Variants in RAB4A observed in about 807,000 individuals in gnomAD.
The protein encoded by RAB4A is ras-related protein Rab-4A.
A neutral mutation model predicts 34.5 loss-of-function variants in RAB4A; 20 were observed. That is an observed-to-expected ratio of 0.58 (90% confidence interval 0.41 to 0.84). RAB4A has a LOEUF of 0.84. RAB4A is among the 40% of genes least tolerant of loss of function. RAB4A has a pLI of 0.00. For missense variants in RAB4A, 228 were observed against 274.5 expected, an observed-to-expected ratio of 0.83 and a Z score of 1.20; for synonymous variants, 102 against 100.0, an observed-to-expected ratio of 1.02 and a Z score of -0.12.
chr1:229,299,369 C>T (rs1009548289), intron 6 of RAB4A, among the ~76,000 whole-genome samples: 12 of 152,150 alleles, frequency 7.9e-5, no homozygotes, highest in Admixed American at 3.9e-4. Context: ...TTTCTTTGGT[C>T]CTTCACTAAA....
rs556762113 is a variant in RAB4A, at chr1:229,289,150, G to A, written c.227+307G>A. ...AGTATGTTTCTAGATTCAAATCAAA[G>A]CACAAGCTTGTTTTTCTGTGTTCCT... On this transcript the variant is annotated intron_variant, in intron 3 of 7. Coordinates refer to ENST00000366690, the MANE Select transcript of RAB4A (RefSeq NM_004578.4). 3 of 204,022 alleles carry A rather than the reference G, an allele frequency of 1.5e-5. No homozygotes were observed. In the South Asian group the frequency reaches 3.9e-4, roughly 27 times the overall value. 12.6% of individuals were successfully genotyped at this position (204,022 alleles called of 1,614,324 possible). A position where few individuals can be genotyped will look rare whatever the true frequency, so the allele number is the denominator to read the frequency against.
intron 1 of RAB4A, among the ~76,000 whole-genome samples, chr1:229,283,027 T>A (rs237755): frequency 0.21 from 32,527 of 152,214 alleles, 3,633 homozygotes; most frequent in African/African-American, 0.28. Context: ...TGGATATTTT[T>A]ATATTATGTT....
At position 229,286,471 on chromosome 1, in the gene RAB4A, CT is replaced by C; in HGVS notation, c.32-10del. 1 of 1,504,136 alleles carries C rather than the reference CT, an allele frequency of 6.6e-7. No individual in the cohort carries two copies. 93.2% of individuals were successfully genotyped at this position (1,504,136 alleles called of 1,614,324 possible). A position where few individuals can be genotyped will look rare whatever the true frequency, so the allele number is the denominator to read the frequency against. On this transcript the variant is annotated splice_polypyrimidine_tract_variant and intron_variant, in intron 1 of 7. Transcript: ENST00000366690. The stretch of plus-strand genomic sequence containing the variant: ...TATTTTGAAGTTATTTTCACAGTCT[CT>C]TTTTATCTTTCAGATTTTTTGTTTA...
At chr1:229,297,334 G>T in intron 4 of RAB4A, 148 bp from the exon 5 acceptor site, 1 of 664,842 alleles carries the variant, frequency 1.5e-6, no homozygotes. Context: ...GTATATACTT[G>T]GTGCATTCAC....
intron 1 of RAB4A, among the ~76,000 whole-genome samples, chr1:229,272,123 T>G (rs1428216162): frequency 6.6e-6 from 1 of 152,152 alleles, no homozygotes; most frequent in Non-Finnish European, 1.5e-5. Flanking sequence ...TGTGCTTTTT[T>G]TTTTTTCTCC....
In RAB4A at chr1:229,286,584, A is replaced by T; in HGVS notation, c.112+18A>T. 6.7e-7 allele frequency: 1 copy of T among 1,483,336 alleles called. No homozygotes were observed. Among genetic ancestry groups the T allele is most frequent in the South Asian group, 1.3e-5 (1 of 78,798 alleles). 91.9% of individuals were successfully genotyped at this position (1,483,336 alleles called of 1,614,324 possible). A position where few individuals can be genotyped will look rare whatever the true frequency, so the allele number is the denominator to read the frequency against. On this transcript the variant is annotated intron_variant, in intron 2 of 7. Transcript: ENST00000366690. Reference sequence around the variant, plus strand: ...AAAAAAATGTAAGTGTCATGAAATTAGTCATTCTTCCGTGCATGTCTTCTG... The same window carrying T: ...AAAAAAATGTAAGTGTCATGAAATTTGTCATTCTTCCGTGCATGTCTTCTG...
chr1:229,291,136 C>A (rs536537219), intron 3 of RAB4A, among the ~76,000 whole-genome samples: 1 of 152,284 alleles, frequency 6.6e-6, no homozygotes, highest in African/African-American at 2.4e-5. Flanking sequence ...GGAAGCATTG[C>A]CTTCAAAACT....
chr1:229,298,541 G>C (rs1044963719), intron 5 of RAB4A, among the ~76,000 whole-genome samples: 2 of 152,198 alleles, frequency 1.3e-5, no homozygotes, highest in Admixed American at 6.5e-5. Flanking sequence ...GTCTCTTCAT[G>C]GGCTGTATGA....
intron 1 of RAB4A, among the ~76,000 whole-genome samples, chr1:229,273,187 G>A (rs1216696934): frequency 2.0e-5 from 3 of 152,156 alleles, no homozygotes; most frequent in Non-Finnish European, 4.4e-5. Context: ...AAGAGTTCAG[G>A]AGATAGAGCT....
intron 3 of RAB4A, among the ~76,000 whole-genome samples, chr1:229,294,913 A>C (rs1657196498): frequency 6.6e-6 from 1 of 152,134 alleles, no homozygotes; most frequent in African/African-American, 2.4e-5. Flanking sequence ...TTTGTGTTTT[A>C]AGATGGGCGG....
chr1:229,273,034 T>G (rs1284945981), intron 1 of RAB4A, among the ~76,000 whole-genome samples: 1 of 152,280 alleles, frequency 6.6e-6, no homozygotes, highest in Non-Finnish European at 1.5e-5. Context: ...TGGTTACATC[T>G]TTGCACTTCT....
intron 1 of RAB4A, among the ~76,000 whole-genome samples, chr1:229,277,559 C>T (rs977908591): frequency 6.6e-6 from 1 of 151,368 alleles, no homozygotes; most frequent in South Asian, 2.1e-4. Context: ...GCCAGCTCCT[C>T]GTTGCTGTTA....
chr1:229,296,583 A>G (rs1262899245), intron 4 of RAB4A, among the ~76,000 whole-genome samples: 2 of 152,222 alleles, frequency 1.3e-5, no homozygotes, highest in Non-Finnish European at 1.5e-5. Flanking sequence ...GAACATTCCT[A>G]TCCATGAGGA....
intron 6 of RAB4A, among the ~76,000 whole-genome samples, chr1:229,301,446 T>C (rs1344970490): frequency 6.6e-6 from 1 of 151,922 alleles, no homozygotes; most frequent in Non-Finnish European, 1.5e-5. Context: ...GAAAAAAAAA[T>C]TACTAAGCTT....
intron 3 of RAB4A, 63 bp downstream of exon 3, chr1:229,288,906 C>G: frequency 1.0e-6 from 1 of 993,612 alleles, no homozygotes; most frequent in Non-Finnish European, 1.6e-6. Context: ...TGATGATATT[C>G]TCTCAATATA....
intron 6 of RAB4A, among the ~76,000 whole-genome samples, chr1:229,302,284 TATATATATATATATATATATATATA>T (rs1454965504): frequency 1.2e-3 from 26 of 20,900 alleles, no homozygotes; most frequent in African/African-American, 2.5e-3. Context: ...TATATATATA[TATATATATATATATATATATATATA>T]TTTTTTTTTT....
intron 6 of RAB4A, among the ~76,000 whole-genome samples, chr1:229,302,276 TATATATATATATATATATATA>T (rs1472609594): frequency 0.2 from 5,360 of 26,830 alleles, 387 homozygotes; most frequent in African/African-American, 0.22. Context: ...TATATATATA[TATATATATATATATATATATA>T]TATATATATA....
chr1:229,302,596 A>T (rs1278174001), intron 6 of RAB4A, among the ~76,000 whole-genome samples: 1 of 151,738 alleles, frequency 6.6e-6, no homozygotes, highest in Non-Finnish European at 1.5e-5. Context: ...AGAAGTATAA[A>T]AGAGTATGCA....
At chr1:229,287,196 A>G (rs1454275309) in intron 2 of RAB4A, among the ~76,000 whole-genome samples, 2 of 152,238 alleles carry the variant, frequency 1.3e-5, no homozygotes, top group African/African-American at 4.8e-5. Flanking sequence ...TGAAGGGTCA[A>G]AAACAGAGTG....
Sources: allele counts gnomAD v4.1 joint callset (sites outside exome capture counted in the v4.1 genomes callset), GRCh38; gene constraint gnomAD v4.1.1; transcripts MANE v1.5; gene names NCBI Gene and HGNC (gene_info 2026-07-23, HGNC 2026-07-21).